BCL2L13: variants seen among roughly 807,000 people sequenced by gnomAD.
BCL2L13 encodes BCL2 like 13, also known as bcl-2-like protein 13.
BCL2L13 carries 13 observed loss-of-function variants against 25.8 expected under a neutral mutation model. The observed-to-expected ratio is 0.50, with a 90% CI of 0.33 to 0.80. The LOEUF (loss-of-function observed/expected upper bound fraction) is 0.80, where lower values mean the gene tolerates loss of function less well. Ranked by LOEUF, BCL2L13 falls within the 30% of genes least tolerant of loss-of-function variation. The pLI, the probability that BCL2L13 is intolerant of heterozygous loss-of-function variation, is 0.02. For missense variants in BCL2L13, 504 were observed against 574.9 expected, an observed-to-expected ratio of 0.88 and a Z score of 1.26; for synonymous variants, 244 against 230.3, an observed-to-expected ratio of 1.06 and a Z score of -0.54.
intron 6 of BCL2L13, among the ~76,000 whole-genome samples, chr22:17,716,467 T>C (rs2060948038): frequency 6.6e-6 from 1 of 152,156 alleles, no homozygotes; most frequent in African/African-American, 2.4e-5. Context: ...ATGAGTAACC[T>C]GCCAGGAGAA....
In BCL2L13 at chr22:17,657,823, CTTTTT is replaced by C. The variant is rs71201859; in HGVS notation, c.121+2008_121+2012del. Among the ~76,000 whole-genome samples the C allele has an allele frequency of 4.2e-3, 357 of 85,764 alleles. 2 individuals carry two copies. The highest frequency in any genetic ancestry group is 0.013 in the African/African-American group (291 of 22,554). 56.3% of individuals were successfully genotyped at this position (85,764 alleles called of 152,430 possible). ...GAGCCACCACACCTGGTTGACATTT[CTTTTT>C]TTTTTTTTTTTTTTTTGAGATGAGT... On this transcript the variant is annotated intron_variant, in intron 2 of 6. Coordinates refer to ENST00000317582, the MANE Select transcript of BCL2L13 (RefSeq NM_015367.4).
intron 1 of BCL2L13, among the ~76,000 whole-genome samples, chr22:17,631,231 G>C (rs761575952): frequency 1.3e-4 from 20 of 151,342 alleles, no homozygotes; most frequent in Non-Finnish European, 2.7e-4. Context: ...CCAGTAGCTG[G>C]GATTACAAGC....
intron 6 of BCL2L13, among the ~76,000 whole-genome samples, chr22:17,714,757 C>G (rs1409982182): frequency 6.6e-6 from 1 of 152,140 alleles, no homozygotes; most frequent in Non-Finnish European, 1.5e-5. Context: ...CACTGAGTGT[C>G]TTTCTTCTTT....
chr22:17,685,754 CTTTTTCTTT>C (rs2059909791), intron 3 of BCL2L13, among the ~76,000 whole-genome samples: 1 of 53,996 alleles, frequency 1.9e-5, no homozygotes, highest in African/African-American at 6.3e-5. Context: ...ATAATTTTTT[CTTTTTCTTT>C]TTTTTTTTTT....
intron 2 of BCL2L13, among the ~76,000 whole-genome samples, chr22:17,675,837 A>G (rs1005145277): frequency 1.9e-4 from 29 of 152,352 alleles, no homozygotes; most frequent in African/African-American, 6.7e-4. Flanking sequence ...TCTAGCAGCA[A>G]TTGAAGAGCA....
intron 2 of BCL2L13, among the ~76,000 whole-genome samples, chr22:17,661,213 C>T (rs1429341458): frequency 4.1e-5 from 6 of 145,918 alleles, no homozygotes; most frequent in Non-Finnish European, 6.2e-5. Flanking sequence ...CTGCCTCAGC[C>T]TCCCAAGTAG....
At chr22:17,676,772 GTTATAA>G (rs989353685) in intron 2 of BCL2L13, among the ~76,000 whole-genome samples, 11 of 152,134 alleles carry the variant, frequency 7.2e-5, no homozygotes, top group South Asian at 4.1e-4. Context: ...GGGAAAACCT[GTTATAA>G]TTATAAACAG....
At chr22:17,662,659 A>G (rs2059111884) in intron 2 of BCL2L13, among the ~76,000 whole-genome samples, 1 of 151,930 alleles carries the variant, frequency 6.6e-6, no homozygotes, top group African/African-American at 2.4e-5. Context: ...TCTACAAAAA[A>G]TAAAAATAAA....
At position 17,631,670 on chromosome 22, in the gene BCL2L13, GTA is replaced by G. The variant is rs1181793721; in HGVS notation, c.-650+2701_-650+2702del. On this transcript the variant is annotated intron_variant, in intron 1 of 6. Transcript: ENST00000399782. ...CGTGTGTGTATGTATGTGTGTGTGT[GTA>G]TATATATATATATATATATATATAT... is the stretch of plus-strand genomic sequence containing the variant. 3.0e-3 allele frequency among the ~76,000 whole-genome samples: 80 copies of G among 26,872 alleles called. 1 individual carries two copies. The highest frequency in any genetic ancestry group is 6.4e-3 in the African/African-American group (49 of 7,628). 17.6% of individuals were successfully genotyped at this position (26,872 alleles called of 152,430 possible). A position where few individuals can be genotyped will look rare whatever the true frequency, so the allele number is the denominator to read the frequency against.
At chr22:17,668,627 T>C (rs1041776673) in intron 2 of BCL2L13, among the ~76,000 whole-genome samples, 5 of 151,748 alleles carry the variant, frequency 3.3e-5, no homozygotes, top group African/African-American at 9.7e-5. Context: ...CCACGATGCC[T>C]GGCTAATTTT....
Position 17,727,108 on chromosome 22 carries a change from C to A in BCL2L13, c.1032C>A (p.Pro344=). 1 of 1,614,216 alleles carries A rather than the reference C, an allele frequency of 6.2e-7. No homozygotes were observed. Among genetic ancestry groups the A allele is most frequent in the Non-Finnish European group, 8.5e-7 (1 of 1,180,042 alleles). ...LQEALPEAPA[P]LLPHITATSL... is the part of the protein sequence containing the mutation. Reference sequence around the variant, plus strand: ...AGGCACTTCCTGAAGCCCCAGCTCCCTTGCTTCCACATATCACTGCCACCT... The same window carrying A: ...AGGCACTTCCTGAAGCCCCAGCTCCATTGCTTCCACATATCACTGCCACCT... Residue 344 remains proline (P), a synonymous_variant, in exon 7 of 7, where the codon CCC becomes CCA. Coordinates refer to ENST00000317582, the MANE Select transcript of BCL2L13 (RefSeq NM_015367.4).
chr22:17,661,541 C>CTT (rs2146547784), intron 2 of BCL2L13, among the ~76,000 whole-genome samples: 1 of 146,222 alleles, frequency 6.8e-6, no homozygotes, highest in African/African-American at 2.4e-5. Flanking sequence ...AAGGGCTGAA[C>CTT]TTTTCCCATC....
At chr22:17,631,664 G>GTATATATATATATATA (rs2058019071) in intron 1 of BCL2L13, among the ~76,000 whole-genome samples, 1 of 26,896 alleles carries the variant, frequency 3.7e-5, no homozygotes. Context: ...ATGTATGTGT[G>GTATATATATATATATA]TGTGTGTATA....
chr22:17,651,568 GACGGGTTTTC>G (rs2058689474), intron 1 of BCL2L13, among the ~76,000 whole-genome samples: 1 of 149,190 alleles, frequency 6.7e-6, no homozygotes, highest in African/African-American at 2.5e-5. Flanking sequence ...TTTTAGTAGA[GACGGGTTTTC>G]ACCATGTTGG....
chr22:17,705,496 A>T (rs1192499955), intron 6 of BCL2L13, among the ~76,000 whole-genome samples: 1 of 151,402 alleles, frequency 6.6e-6, no homozygotes, highest in Non-Finnish European at 1.5e-5. Context: ...ATGGGTTTTC[A>T]CTGTGTTAGC....
At chr22:17,678,846 G>C (rs1429563941) in intron 2 of BCL2L13, among the ~76,000 whole-genome samples, 1 of 152,200 alleles carries the variant, frequency 6.6e-6, no homozygotes, top group Non-Finnish European at 1.5e-5. Context: ...TAAATGAATA[G>C]TAGGTAGACC....
intron 6 of BCL2L13, among the ~76,000 whole-genome samples, chr22:17,723,988 C>T (rs999241505): frequency 4.6e-5 from 7 of 151,784 alleles, no homozygotes; most frequent in Admixed American, 3.3e-4. Flanking sequence ...AAAATGAACT[C>T]AAGTCCAGGT....
At chr22:17,678,275 C>A (rs981368770) in intron 2 of BCL2L13, among the ~76,000 whole-genome samples, 1 of 152,036 alleles carries the variant, frequency 6.6e-6, no homozygotes, top group Non-Finnish European at 1.5e-5. Context: ...CCTTCTGCCT[C>A]GGCCTCCCAA....
chr22:17,727,261 G>A lies in BCL2L13; in HGVS notation c.1185G>A (p.Val395=). The A allele has an allele frequency of 3.1e-6, 5 of 1,614,266 alleles. No homozygotes were observed. Among genetic ancestry groups the A allele is most frequent in the Admixed American group, 1.7e-5 (1 of 60,034 alleles). The part of the protein sequence containing the change: ...VKAATTEPTE[V]EEVVPALEPT... The stretch of plus-strand genomic sequence containing the variant: ...CAGCAACAACTGAACCTACTGAAGT[G>A]GAGGAGGTGGTCCCCGCACTGGAAC... Residue 395 remains valine, a synonymous_variant, in exon 7 of 7, where the codon GTG becomes GTA. Transcript: ENST00000317582.
Sources: allele counts gnomAD v4.1 joint callset (sites outside exome capture counted in the v4.1 genomes callset), GRCh38; gene constraint gnomAD v4.1.1; transcripts MANE v1.5; gene names NCBI Gene and HGNC (gene_info 2026-07-23, HGNC 2026-07-21).